ALPK2: variants seen among roughly 807,000 people sequenced by gnomAD.
The protein encoded by ALPK2 is alpha kinase 2.
A neutral mutation model predicts 163.1 loss-of-function variants in ALPK2; 127 were observed. That is an observed-to-expected ratio of 0.78 (90% CI 0.67 to 0.90). ALPK2 has a LOEUF of 0.90. ALPK2 is among the 40% of genes least tolerant of loss of function. ALPK2 has a pLI of 0.00. For synonymous variants in ALPK2, 953 were observed against 959.1 expected, an observed-to-expected ratio of 0.99 and a Z score of 0.12; for missense variants, 2,360 against 2,589.6, an observed-to-expected ratio of 0.91 and a Z score of 1.92.
Position 58,535,567 on chromosome 18 carries a change from A to C in ALPK2, c.4620T>G (p.Pro1540=). ...DKAELISPTS[P]LSSCLPIMTH... Reference sequence around the variant, plus strand: ...TCATTATTGGAAGACAACTAGAAAGAGGTGAAGTGGGGGAAATCAATTCTG... The same window carrying C: ...TCATTATTGGAAGACAACTAGAAAGCGGTGAAGTGGGGGAAATCAATTCTG... The change falls in exon 5 of 13, where the codon CCT becomes CCG. Residue 1540 remains proline (P), a synonymous_variant. Transcript: ENST00000361673. 6.2e-7 allele frequency: 1 copy of C among 1,614,188 alleles called. No homozygotes were observed. The highest frequency in any genetic ancestry group is 8.5e-7 in the Non-Finnish European group (1 of 1,180,020).
chr18:58,493,965 A>G (rs2051388321), intron 12 of ALPK2, among the ~76,000 whole-genome samples: 1 of 152,168 alleles, frequency 6.6e-6, no homozygotes, highest in Admixed American at 6.5e-5. Flanking sequence ...AGGGCAAAGT[A>G]TTGGTTCTGG....
intron 5 of ALPK2, among the ~76,000 whole-genome samples, chr18:58,531,184 G>A (rs888579494): frequency 1.3e-5 from 2 of 152,138 alleles, no homozygotes; most frequent in Non-Finnish European, 2.9e-5. Flanking sequence ...GACAGAGTGA[G>A]ACCCTATCTC....
rs1167735512 is a variant in ALPK2, at chr18:58,613,705, AAAAAAT to A, written c.-20-1894_-20-1889del. ...CAGAGCAAGACTCCATCTCAAAAAAAAAAAATAATAATAATAATAATAATAATAATA... is the reference window on the plus strand; with the variant it reads ...CAGAGCAAGACTCCATCTCAAAAAAAAATAATAATAATAATAATAATAATA... On this transcript the variant is annotated intron_variant, in intron 1 of 12. Transcript: ENST00000361673. Among the ~76,000 whole-genome samples, 179 of 83,638 alleles carry A rather than the reference AAAAAAT, an allele frequency of 2.1e-3. 1 individual carries two copies. The highest frequency in any genetic ancestry group is 5.4e-3 in the African/African-American group (88 of 16,386). The allele number at this position is 83,638 out of a possible 152,430, so 54.9% of individuals were successfully genotyped here.
intron 11 of ALPK2, among the ~76,000 whole-genome samples, chr18:58,499,338 C>T (rs1181521707): frequency 1.3e-5 from 2 of 152,186 alleles, no homozygotes; most frequent in East Asian, 3.8e-4. Flanking sequence ...AGGGAATAGA[C>T]TATCCCACTG....
At chr18:58,552,656 A>T (rs566864837) in intron 4 of ALPK2, among the ~76,000 whole-genome samples, 1 of 152,340 alleles carries the variant, frequency 6.6e-6, no homozygotes, top group African/African-American at 2.4e-5. Flanking sequence ...ACATCGCCAG[A>T]CAAAGTCTCT....
intron 12 of ALPK2, among the ~76,000 whole-genome samples, chr18:58,490,781 C>G (rs2051370476): frequency 6.6e-6 from 1 of 152,178 alleles, no homozygotes; most frequent in African/African-American, 2.4e-5. Context: ...ACTCTCATTG[C>G]TTTTGATGGC....
intron 3 of ALPK2, among the ~76,000 whole-genome samples, chr18:58,593,057 A>G (rs1301508380): frequency 6.6e-6 from 1 of 152,202 alleles, no homozygotes; most frequent in Non-Finnish European, 1.5e-5. Flanking sequence ...GCAGAGGTAG[A>G]TACATGTCAG....
At position 58,534,903 on chromosome 18, in the gene ALPK2, C is replaced by T. The variant is rs898482941; in HGVS notation, c.5284G>A (p.Glu1762Lys). 9.9e-6 allele frequency: 16 copies of T among 1,613,948 alleles called. No homozygotes were observed. In the African/African-American group the frequency reaches 1.6e-4, roughly 16 times the overall value. Residue 1762 changes from glutamate to lysine, a missense_variant, in exon 5 of 13, where the codon GAA becomes AAA. Glu to Lys is a moderately conservative substitution (Grantham distance 56). Transcript: ENST00000361673. ...SAFLKKMPKL[E>K]TSLSHTEEKQ... ...TCTTCTGTGTGTGATAATGATGTTT[C>T]GAGTTTGGGCATCTTTTTAAGAAAG...
intron 3 of ALPK2, among the ~76,000 whole-genome samples, chr18:58,584,793 A>T (rs2051977458): frequency 6.6e-6 from 1 of 152,198 alleles, no homozygotes; most frequent in Non-Finnish European, 1.5e-5. Flanking sequence ...AACAGACTGG[A>T]TGGGAAAAAG....
intron 1 of ALPK2, among the ~76,000 whole-genome samples, chr18:58,614,644 G>C (rs1231096483): frequency 6.6e-6 from 1 of 152,006 alleles, no homozygotes; most frequent in Non-Finnish European, 1.5e-5. Context: ...GGCTGGTCTT[G>C]AATTCCTGGG....
chr18:58,580,223 A>G lies in ALPK2; in HGVS notation c.553T>C (p.Ser185Pro), dbSNP rs2051950078. The change falls in exon 4 of 13, where the codon TCC (serine) becomes CCC (proline). Residue 185 changes from serine (S) to proline (P), a missense_variant. By Grantham distance (74) the Ser-to-Pro change is moderately conservative. Transcript: ENST00000361673. ...ACACCCAAAGGATTTTCAGAACTGG[A>G]CACACTAATGTCAAGATTGCCCAAT... The part of the protein sequence containing the change: ...QSLGNLDISV[S>P]SSENPLGVKG... The G allele has an allele frequency of 1.9e-6, 3 of 1,614,208 alleles. No individual in the cohort carries two copies. The highest frequency in any genetic ancestry group is 2.5e-6 in the Non-Finnish European group (3 of 1,180,032).
chr18:58,485,816 C>T (rs1157908202), intron 12 of ALPK2, among the ~76,000 whole-genome samples: 1 of 152,214 alleles, frequency 6.6e-6, no homozygotes, highest in Non-Finnish European at 1.5e-5. Context: ...TTCACACCAA[C>T]TCCTGAGCTC....
chr18:58,556,549 T>C (rs762094170), intron 4 of ALPK2, among the ~76,000 whole-genome samples: 1 of 152,140 alleles, frequency 6.6e-6, no homozygotes, highest in Non-Finnish European at 1.5e-5. Flanking sequence ...TCAGCTGTTA[T>C]TAGCTACGGG....
chr18:58,531,295 G>C (rs936215586), intron 5 of ALPK2, among the ~76,000 whole-genome samples: 1 of 152,112 alleles, frequency 6.6e-6, no homozygotes, highest in Non-Finnish European at 1.5e-5. Flanking sequence ...CGCCCCACCA[G>C]TTAACTGGTG....
intron 4 of ALPK2, among the ~76,000 whole-genome samples, chr18:58,540,893 G>A (rs945006868): frequency 1.5e-4 from 23 of 152,142 alleles, no homozygotes; most frequent in Non-Finnish European, 1.8e-4. Context: ...TTATTCTTCC[G>A]TGATTGATTA....
rs1277402935 is a variant in ALPK2, at chr18:58,535,532, G to A, written c.4655C>T (p.Ser1552Phe). Residue 1552 changes from serine to phenylalanine, a missense_variant, in exon 5 of 13, where the codon TCT becomes TTT. Ser to Phe is a radical substitution (Grantham distance 155). Transcript: ENST00000361673. Reference protein sequence around the residue: ...SSCLPIMTHASLGVDTHNSTG... With the variant: ...SSCLPIMTHAFLGVDTHNSTG... ...GGAGTTGTGCGTGTCAACCCCAAGA[G>A]AAGCGTGAGTCATTATTGGAAGACA... 6.2e-7 allele frequency: 1 copy of A among 1,614,194 alleles called. No homozygotes were observed.
intron 4 of ALPK2, among the ~76,000 whole-genome samples, chr18:58,569,803 C>G (rs1252453813): frequency 6.6e-6 from 1 of 152,174 alleles, no homozygotes; most frequent in Non-Finnish European, 1.5e-5. Context: ...AAGAGGCATG[C>G]TGGCCACACT....
intron 3 of ALPK2, among the ~76,000 whole-genome samples, chr18:58,594,619 A>C (rs1230723008): frequency 1.3e-5 from 2 of 152,182 alleles, no homozygotes; most frequent in Non-Finnish European, 2.9e-5. Context: ...AGCTCTGCTA[A>C]TTCATCAAAC....
rs772277762 is a variant in ALPK2 at position 58,536,761 on chromosome 18, C to T, written c.3426G>A (p.Leu1142=). ...ETKQGVQQQS[L]SQQGSLSAPD... is the part of the protein sequence containing the mutation. ...GTGCAGAAAGAGAACCCTGCTGGGA[C>T]AGGCTCTGCTGCTGGACCCCCTGCT... The change falls in exon 5 of 13, where the codon CTG becomes CTA. Residue 1142 remains leucine (L), a synonymous_variant. Transcript: ENST00000361673. 57 of 1,614,090 alleles carry T rather than the reference C, an allele frequency of 3.5e-5. No individual in the cohort carries two copies. Among genetic ancestry groups the T allele is most frequent in the Non-Finnish European group, 4.7e-5 (55 of 1,180,036 alleles).
Sources: allele counts gnomAD v4.1 joint callset (sites outside exome capture counted in the v4.1 genomes callset), GRCh38; gene constraint gnomAD v4.1.1; transcripts MANE v1.5; gene names NCBI Gene and HGNC (gene_info 2026-07-23, HGNC 2026-07-21).